The following MYO3B variants were observed in gnomAD, a reference collection of about 807,000 sequenced individuals.
MYO3B encodes the protein myosin-IIIb.
MYO3B carries 156 observed loss-of-function variants against 174.6 expected under a neutral mutation model. The ratio of observed to expected loss-of-function variants is 0.89; its 90% confidence interval spans 0.78 to 1.02. The LOEUF (loss-of-function observed/expected upper bound fraction) is 1.02, where lower values mean the gene tolerates loss of function less well. Ranked by LOEUF, MYO3B falls within the 50% of genes least tolerant of loss-of-function variation. The probability of loss-of-function intolerance (pLI) is 0.00; values close to 1 mark genes in which losing one functional copy is unlikely to be tolerated. For missense variants in MYO3B, 1,632 were observed against 1,639.4 expected, an observed-to-expected ratio of 1.00 and a Z score of 0.08; for synonymous variants, 563 against 569.1, an observed-to-expected ratio of 0.99 and a Z score of 0.15.
In MYO3B at chr2:170,376,367, A is replaced by G. The variant is rs547148584; in HGVS notation, c.972-5649A>G. 6.2e-4 allele frequency among the ~76,000 whole-genome samples: 95 copies of G among 152,352 alleles called. 2 individuals carry two copies. The South Asian group carries it at 0.019, about 30-fold the overall frequency. ...CCTCTTTCATTGGCTCTGTTATCAA[A>G]GGGTATATTGAATGGAAATTAAGAT... On this transcript the variant is annotated intron_variant, in intron 9 of 34. Transcript: ENST00000408978.
At chr2:170,280,838 C>T (rs547020553) in intron 7 of MYO3B, among the ~76,000 whole-genome samples, 1 of 152,054 alleles carries the variant, frequency 6.6e-6, no homozygotes, top group South Asian at 2.1e-4. Context: ...GGTCTGTGTA[C>T]CTGTTTTTGT....
intron 3 of MYO3B, 47 bp from the exon 4 acceptor site, chr2:170,214,332 C>T (rs2105365662): frequency 6.8e-7 from 1 of 1,468,402 alleles, no homozygotes; most frequent in East Asian, 2.3e-5. Flanking sequence ...TTTTCTTTTT[C>T]ACATGTGGTC....
chr2:170,469,901 G>A (rs534842674), intron 25 of MYO3B, among the ~76,000 whole-genome samples: 2 of 151,970 alleles, frequency 1.3e-5, no homozygotes, highest in Non-Finnish European at 2.9e-5. Context: ...TCGGGAGTTC[G>A]AGACCAGCCT....
Position 170,222,345 on chromosome 2 carries a change from C to T in MYO3B, c.603+4950C>T, listed in dbSNP as rs141534949. 5.9e-4 allele frequency among the ~76,000 whole-genome samples: 90 copies of T among 152,314 alleles called. No homozygotes were observed. The Middle Eastern group carries it at 0.01, about 17-fold the overall frequency. On this transcript the variant is annotated intron_variant, in intron 6 of 34. Coordinates refer to ENST00000408978, the MANE Select transcript of MYO3B (RefSeq NM_138995.5). ...CTTTTCCACCCTATATTTATTTTCC[C>T]GGTCTGCTGTAATCAAGTAGTACAA...
At chr2:170,468,420 ATACACCTGG>A (rs1684773878) in intron 25 of MYO3B, among the ~76,000 whole-genome samples, 1 of 152,218 alleles carries the variant, frequency 6.6e-6, no homozygotes, top group Non-Finnish European at 1.5e-5. Context: ...AACCCTGAGT[ATACACCTGG>A]TGGTGTTCTT....
rs111674291 is a variant in MYO3B, at chr2:170,551,002, T to G, written c.3733+7014T>G. Among the ~76,000 whole-genome samples, 949 of 123,818 alleles carry G rather than the reference T, an allele frequency of 7.7e-3. 10 individuals are homozygous for G. The highest frequency in any genetic ancestry group is 0.027 in the African/African-American group (830 of 30,558). The allele number at this position is 123,818 out of a possible 152,430, so 81.2% of individuals were successfully genotyped here. The stretch of plus-strand genomic sequence containing the variant: ...CAACCTCTGCCTCCTGGATTCAAGC[T>G]TTTCTCATGCCTCAGCCTCCTAAGT... On this transcript the variant is annotated intron_variant, in intron 32 of 34. Transcript: ENST00000408978.
intron 32 of MYO3B, among the ~76,000 whole-genome samples, chr2:170,582,381 G>A (rs1484429335): frequency 6.6e-6 from 1 of 152,216 alleles, no homozygotes; most frequent in African/African-American, 2.4e-5. Context: ...CTTTAGGGAA[G>A]CAGCACTGTT....
intron 7 of MYO3B, among the ~76,000 whole-genome samples, chr2:170,277,897 A>G (rs984703843): frequency 1.3e-5 from 2 of 152,190 alleles, no homozygotes; most frequent in African/African-American, 4.8e-5. Context: ...TTAGAAGGAC[A>G]TTTTCTGATA....
At position 170,404,344 on chromosome 2, in the gene MYO3B, T is replaced by C; in HGVS notation, c.2375T>C (p.Leu792Pro). 6.2e-7 allele frequency: 1 copy of C among 1,613,912 alleles called. No homozygotes were observed. The highest frequency in any genetic ancestry group is 1.3e-5 in the African/African-American group (1 of 75,032). ...DMFLQKPLGL[L>P]ALLDEESRFP... The stretch of plus-strand genomic sequence containing the variant: ...TTCCTCCAGAAACCCCTGGGACTGC[T>C]TGCACTTTTGGATGAGGAAAGTCGG... The change falls in exon 20 of 35, where the codon CTT becomes CCT. Residue 792 changes from leucine to proline, a missense_variant. Leu to Pro is a moderately conservative substitution (Grantham distance 98). Transcript: ENST00000408978.
chr2:170,360,115 A>C (rs2094149974), intron 8 of MYO3B, among the ~76,000 whole-genome samples: 1 of 152,158 alleles, frequency 6.6e-6, no homozygotes, highest in Non-Finnish European at 1.5e-5. Flanking sequence ...TGAGCATGTA[A>C]TGATCATGCA....
At chr2:170,370,514 T>C (rs940242989) in intron 9 of MYO3B, among the ~76,000 whole-genome samples, 2 of 151,888 alleles carry the variant, frequency 1.3e-5, no homozygotes, top group Non-Finnish European at 2.9e-5. Flanking sequence ...TCTTGTGACT[T>C]GGGGTCTTTT....
At chr2:170,329,185 A>G (rs1321614602) in intron 7 of MYO3B, among the ~76,000 whole-genome samples, 1 of 151,660 alleles carries the variant, frequency 6.6e-6, no homozygotes, top group Non-Finnish European at 1.5e-5. Context: ...CTAATAATAT[A>G]TTGTCCAATT....
intron 1 of MYO3B, among the ~76,000 whole-genome samples, chr2:170,195,349 G>A (rs1291798207): frequency 1.4e-4 from 22 of 151,962 alleles, no homozygotes; most frequent in Non-Finnish European, 7.4e-5. Context: ...ACAGAAGAAC[G>A]GCAGAACGGC....
At chr2:170,317,468 CT>C (rs2093784250) in intron 7 of MYO3B, among the ~76,000 whole-genome samples, 2 of 46,400 alleles carry the variant, frequency 4.3e-5, no homozygotes, top group Non-Finnish European at 1.4e-4. Flanking sequence ...GGGCTGTAAA[CT>C]CTGTTTTGAA....
chr2:170,569,839 C>T (rs941856577), intron 32 of MYO3B, among the ~76,000 whole-genome samples: 3 of 138,482 alleles, frequency 2.2e-5, no homozygotes, highest in East Asian at 2.1e-4. Context: ...CCAGCCTGGG[C>T]GACAGAGCAA....
chr2:170,590,691 A>G (rs1307458265), intron 32 of MYO3B, among the ~76,000 whole-genome samples: 1 of 151,628 alleles, frequency 6.6e-6, no homozygotes, highest in Non-Finnish European at 1.5e-5. Flanking sequence ...GAACTGAGCT[A>G]AGAAAAATCT....
At chr2:170,191,475 G>C (rs190271201) in intron 1 of MYO3B, among the ~76,000 whole-genome samples, 48 of 152,206 alleles carry the variant, frequency 3.2e-4, no homozygotes, top group South Asian at 8.3e-4. Context: ...TTTAGTTCAC[G>C]GTGGTGAGGC....
At chr2:170,459,823 G>A (rs1233215570) in intron 23 of MYO3B, among the ~76,000 whole-genome samples, 1 of 152,116 alleles carries the variant, frequency 6.6e-6, no homozygotes, top group Non-Finnish European at 1.5e-5. Flanking sequence ...AGCGTGGTGT[G>A]GGCAGGTGGG....
intron 1 of MYO3B, among the ~76,000 whole-genome samples, chr2:170,191,297 G>T (rs1440713530): frequency 6.6e-6 from 1 of 152,000 alleles, no homozygotes; most frequent in African/African-American, 2.4e-5. Flanking sequence ...GCCTGGGGTT[G>T]GAAGAGGGGT....
Sources: gnomAD v4.1 joint callset for allele counts (sites outside exome capture counted in the v4.1 genomes callset) on GRCh38, gnomAD v4.1.1 for gene constraint, MANE v1.5 for transcripts, NCBI Gene and HGNC (gene_info 2026-07-23, HGNC 2026-07-21) for gene names.